The following RPS6KC1 variants were observed in gnomAD, a reference collection of about 807,000 sequenced individuals.
The protein encoded by RPS6KC1 is ribosomal protein S6 kinase C1, also known as inactive ribosomal protein S6 kinase delta-1.
Under a neutral mutation model 103.8 loss-of-function variants are expected in RPS6KC1, and 54 were observed. That is an observed-to-expected ratio of 0.52 (90% CI 0.42 to 0.65). The LOEUF (loss-of-function observed/expected upper bound fraction) is 0.65, where lower values mean the gene tolerates loss of function less well. Among genes scored for constraint, RPS6KC1 ranks in the 30% least tolerant of loss-of-function variants. The probability of loss-of-function intolerance (pLI) is 0.00; values close to 1 mark genes in which losing one functional copy is unlikely to be tolerated. For synonymous variants in RPS6KC1, 439 were observed against 438.7 expected, an observed-to-expected ratio of 1.00 and a Z score of -0.01; for missense variants, 1,151 against 1,253.8, an observed-to-expected ratio of 0.92 and a Z score of 1.24.
At chr1:213,092,472 C>T (rs1164297171) in intron 3 of RPS6KC1, among the ~76,000 whole-genome samples, 2 of 151,858 alleles carry the variant, frequency 1.3e-5, no homozygotes, top group African/African-American at 4.8e-5. Flanking sequence ...GAGATCGAGA[C>T]AATCCTGGCT....
chr1:213,832,827 T>C, the RPS6KC1 span, among the ~76,000 whole-genome samples: 1 of 152,188 alleles, frequency 6.6e-6, no homozygotes, highest in African/African-American at 2.4e-5. Flanking sequence ...AAACACAGTC[T>C]AGTGGAAAAT....
the RPS6KC1 span, among the ~76,000 whole-genome samples, chr1:213,615,609 G>A: frequency 6.6e-6 from 1 of 152,252 alleles, no homozygotes; most frequent in Non-Finnish European, 1.5e-5. Flanking sequence ...TGAATGATTT[G>A]GTGGCACTTG....
chr1:213,583,549 G>A, the RPS6KC1 span, among the ~76,000 whole-genome samples: 103 of 152,064 alleles, frequency 6.8e-4, no homozygotes, highest in African/African-American at 2.4e-3. Flanking sequence ...GGCTGGGCAC[G>A]ATGGCTCATG....
chr1:213,411,410 T>C, the RPS6KC1 span, among the ~76,000 whole-genome samples: 8 of 152,290 alleles, frequency 5.3e-5, no homozygotes, highest in Non-Finnish European at 8.8e-5. Context: ...GGGCTTTTGC[T>C]CAAAGTTGCA....
At chr1:213,191,343 G>A (rs1213575175) in intron 8 of RPS6KC1, among the ~76,000 whole-genome samples, 3 of 151,832 alleles carry the variant, frequency 2.0e-5, no homozygotes, top group East Asian at 1.9e-4. Context: ...AGTTTTCATC[G>A]TAGAGATCTT....
At chr1:213,777,074 T>C in the RPS6KC1 span, among the ~76,000 whole-genome samples, 1 of 152,368 alleles carries the variant, frequency 6.6e-6, no homozygotes, top group East Asian at 1.9e-4. Context: ...TCATTTTCTC[T>C]GTGGACCACT....
the RPS6KC1 span, among the ~76,000 whole-genome samples, chr1:213,306,505 T>C: frequency 3.3e-5 from 5 of 152,378 alleles, no homozygotes; most frequent in South Asian, 2.1e-4. Context: ...GTATGCCTTA[T>C]GGTGAAAACA....
At chr1:213,223,931 A>G (rs560606462) in intron 8 of RPS6KC1, among the ~76,000 whole-genome samples, 1 of 152,168 alleles carries the variant, frequency 6.6e-6, no homozygotes, top group South Asian at 2.1e-4. Flanking sequence ...CTTTCTTTTA[A>G]AAGGAATTGG....
chr1:213,726,774 T>A, the RPS6KC1 span, among the ~76,000 whole-genome samples: 6 of 152,220 alleles, frequency 3.9e-5, no homozygotes, highest in East Asian at 1.9e-4. Flanking sequence ...TTATGTCTTA[T>A]ATGAAACATT....
intron 8 of RPS6KC1, among the ~76,000 whole-genome samples, chr1:213,220,199 T>A (rs2093794025): frequency 6.6e-6 from 1 of 152,198 alleles, no homozygotes; most frequent in Non-Finnish European, 1.5e-5. Context: ...TTACAACAAT[T>A]TTTATGGTAC....
At chr1:213,289,089 A>G in the RPS6KC1 span, among the ~76,000 whole-genome samples, 1 of 152,080 alleles carries the variant, frequency 6.6e-6, no homozygotes, top group Non-Finnish European at 1.5e-5. Context: ...AGCCACAACC[A>G]CAGGGCCACT....
At chr1:213,362,488 A>C in the RPS6KC1 span, among the ~76,000 whole-genome samples, 4 of 152,208 alleles carry the variant, frequency 2.6e-5, no homozygotes, top group Non-Finnish European at 5.9e-5. Context: ...CAGAGAAGTT[A>C]AGTTACCCCA....
chr1:213,480,721 G>T, the RPS6KC1 span, among the ~76,000 whole-genome samples: 1 of 152,032 alleles, frequency 6.6e-6, no homozygotes, highest in African/African-American at 2.4e-5. Flanking sequence ...AGGAAAAAAA[G>T]TCTCCATTCT....
chr1:213,649,824 A>G, the RPS6KC1 span, among the ~76,000 whole-genome samples: 13 of 152,302 alleles, frequency 8.5e-5, no homozygotes, highest in African/African-American at 2.6e-4. Flanking sequence ...TGAAGCTTGT[A>G]CAAGCATAGA....
At chr1:213,595,129 C>T in the RPS6KC1 span, among the ~76,000 whole-genome samples, 2 of 152,130 alleles carry the variant, frequency 1.3e-5, no homozygotes, top group African/African-American at 4.8e-5. Flanking sequence ...CAATGACACC[C>T]ACAAACACTA....
intron 14 of RPS6KC1, among the ~76,000 whole-genome samples, chr1:213,263,971 T>G (rs2094858307): frequency 6.6e-6 from 1 of 152,012 alleles, no homozygotes; most frequent in African/African-American, 2.4e-5. Flanking sequence ...ATGAATGGTT[T>G]GAACAAAGGC....
the RPS6KC1 span, among the ~76,000 whole-genome samples, chr1:213,825,408 G>A: frequency 6.6e-6 from 1 of 152,174 alleles, no homozygotes; most frequent in South Asian, 2.1e-4. Flanking sequence ...AAGAGGGAGG[G>A]AGCAGGGAGG....
intron 3 of RPS6KC1, among the ~76,000 whole-genome samples, chr1:213,097,264 G>A (rs1026335810): frequency 1.3e-5 from 2 of 152,202 alleles, no homozygotes; most frequent in Admixed American, 1.3e-4. Flanking sequence ...TGAGACAGGA[G>A]AATCACTTGA....
At chr1:213,516,386 T>C in the RPS6KC1 span, among the ~76,000 whole-genome samples, 2 of 152,210 alleles carry the variant, frequency 1.3e-5, no homozygotes, top group Admixed American at 6.5e-5. Flanking sequence ...TAGCTCTTAT[T>C]ATTTTGAGAT....
Sources: allele counts gnomAD v4.1 joint callset (sites outside exome capture counted in the v4.1 genomes callset), GRCh38; gene constraint gnomAD v4.1.1; transcripts MANE v1.5; gene names NCBI Gene and HGNC (gene_info 2026-07-23, HGNC 2026-07-21).